PI4K2A: variants seen among roughly 807,000 people sequenced by gnomAD.
The protein encoded by PI4K2A is phosphatidylinositol 4-kinase type 2 alpha, also known as phosphatidylinositol 4-kinase type 2-alpha.
Under a neutral mutation model 55.0 loss-of-function variants are expected in PI4K2A, and 20 were observed. That is an observed-to-expected ratio of 0.36 (90% CI 0.26 to 0.53). PI4K2A has a LOEUF of 0.53. Ranked by LOEUF, PI4K2A falls within the 20% of genes least tolerant of loss-of-function variation. The pLI, the probability that PI4K2A is intolerant of heterozygous loss-of-function variation, is 0.91. For synonymous variants in PI4K2A, 235 were observed against 258.5 expected, an observed-to-expected ratio of 0.91 and a Z score of 0.87; for missense variants, 463 against 637.1, an observed-to-expected ratio of 0.73 and a Z score of 2.94.
intron 1 of PI4K2A, among the ~76,000 whole-genome samples, chr10:97,642,311 A>C (rs1190420613): frequency 6.6e-6 from 1 of 151,706 alleles, no homozygotes; most frequent in Non-Finnish European, 1.5e-5. Context: ...TTAGAGAACA[A>C]TTCTGCCATG....
chr10:97,668,746 A>G (rs1395754629), intron 8 of PI4K2A, among the ~76,000 whole-genome samples: 1 of 152,186 alleles, frequency 6.6e-6, no homozygotes, highest in East Asian at 1.9e-4. Flanking sequence ...TTAAAGGGCA[A>G]GAGGATCTTC....
chr10:97,640,719 G>T, exon 1 of PI4K2A: 1 of 1,452,482 alleles, frequency 6.9e-7, no homozygotes, highest in Non-Finnish European at 9.1e-7. Flanking sequence ...AGCGCGCCGG[G>T]TCCCGGAGCC....
At position 97,645,263 on chromosome 10, in the gene PI4K2A, C is replaced by A. The variant is rs962816219; in HGVS notation, c.435+4086C>A. ...CTCAATCAGATTTTTAAAAACATTC[C>A]TACTAACTGCTTAATTAGGGTTCTT... On this transcript the variant is annotated intron_variant, in intron 1 of 8. Transcript: ENST00000370631. 4.6e-5 allele frequency among the ~76,000 whole-genome samples: 7 copies of A among 152,180 alleles called. No homozygotes were observed. The East Asian group carries it at 1.4e-3, about 29-fold the overall frequency.
chr10:97,643,304 A>T (rs866079583), intron 1 of PI4K2A, among the ~76,000 whole-genome samples: 20 of 152,148 alleles, frequency 1.3e-4, no homozygotes, highest in Admixed American at 8.5e-4. Flanking sequence ...TTGTGGGCAG[A>T]GGGTATTTTT....
chr10:97,656,744 G>C lies in PI4K2A; in HGVS notation c.769-77G>C. On this transcript the variant is annotated intron_variant, in intron 3 of 8. Transcript: ENST00000370631. The surrounding 1 kb of genome is among the most constrained non-coding windows in gnomAD (Gnocchi z 4.5). ...ATACAAACTCCATAGGGCCTTAATG[G>C]GTATCTGGCATATACTCCAAAGGTC... 1 of 1,322,078 alleles carries C rather than the reference G, an allele frequency of 7.6e-7. No homozygotes were observed. Among genetic ancestry groups the C allele is most frequent in the Non-Finnish European group, 1.1e-6 (1 of 927,604 alleles). 81.9% of individuals were successfully genotyped at this position (1,322,078 alleles called of 1,614,324 possible). A position where few individuals can be genotyped will look rare whatever the true frequency, so the allele number is the denominator to read the frequency against.
At chr10:97,660,147 G>A (rs2041574102) in intron 4 of PI4K2A, among the ~76,000 whole-genome samples, 1 of 150,802 alleles carries the variant, frequency 6.6e-6, no homozygotes, top group Admixed American at 6.6e-5. Flanking sequence ...GACTACAGGC[G>A]CCTGCTACCA....
intron 1 of PI4K2A, among the ~76,000 whole-genome samples, chr10:97,649,784 C>T (rs762785717): frequency 2.2e-4 from 34 of 151,600 alleles, no homozygotes; most frequent in Non-Finnish European, 4.3e-4. Context: ...CCACCATGCC[C>T]AGCTAATTTT....
intron 1 of PI4K2A, among the ~76,000 whole-genome samples, chr10:97,644,144 A>C (rs1156682638): frequency 6.6e-6 from 1 of 152,204 alleles, no homozygotes; most frequent in Non-Finnish European, 1.5e-5. Context: ...GGAGGTCAGG[A>C]GTTCGAGACC....
chr10:97,670,500 T>A (rs953952459), intron 8 of PI4K2A, among the ~76,000 whole-genome samples: 1 of 152,226 alleles, frequency 6.6e-6, no homozygotes, highest in Non-Finnish European at 1.5e-5. Flanking sequence ...ATATTCTTTT[T>A]TGCCAAATCT....
intron 1 of PI4K2A, among the ~76,000 whole-genome samples, chr10:97,643,313 T>G (rs1448906530): frequency 1.3e-5 from 2 of 152,102 alleles, no homozygotes; most frequent in African/African-American, 4.8e-5. Context: ...GAGGGTATTT[T>G]TAGTTTGTTG....
chr10:97,659,926 CA>C (rs906017425), intron 4 of PI4K2A, among the ~76,000 whole-genome samples: 1 of 152,032 alleles, frequency 6.6e-6, no homozygotes, highest in African/African-American at 2.4e-5. Context: ...ACCATCTTCC[CA>C]GAATCCTCTC....
intron 8 of PI4K2A, among the ~76,000 whole-genome samples, chr10:97,670,280 CT>C (rs1564777489): frequency 6.6e-6 from 1 of 152,256 alleles, no homozygotes; most frequent in South Asian, 2.1e-4. Context: ...AATAATTTTT[CT>C]TTTTAAATTC....
intron 4 of PI4K2A, 122 bp from the exon 5 acceptor site, chr10:97,662,785 C>A (rs1420676147): frequency 1.1e-5 from 8 of 710,980 alleles, no homozygotes; most frequent in South Asian, 1.1e-4. Context: ...AATATTTTAT[C>A]CAGCATTTGT....
At chr10:97,674,060 T>C (rs1589940362) in exon 9 of PI4K2A, 1 of 281,014 alleles carries the variant, frequency 3.6e-6, no homozygotes, top group East Asian at 6.6e-5. Context: ...CCCTGCTCTA[T>C]TGCAATTCCC....
Position 97,656,939 on chromosome 10 carries a change from G to T in PI4K2A, c.887G>T (p.Arg296Leu). Reference sequence around the variant, plus strand: ...CGGCAACTACTGCTCCAGTTTGAGCGGTTGGTGGTGCTGGATTACATCATC... The same window carrying T: ...CGGCAACTACTGCTCCAGTTTGAGCTGTTGGTGGTGCTGGATTACATCATC... Residue 296 changes from arginine to leucine, a missense_variant, in exon 4 of 9, where the codon CGG becomes CTG. By Grantham distance (102) the Arg-to-Leu change is moderately radical. This residue lies in a region of PI4K2A where 277 missense variants were observed against 432.6 expected (regional missense o/e 0.64). Coordinates refer to ENST00000370631, the Ensembl canonical transcript of PI4K2A. This position sits in a 1 kb window ranked among gnomAD's most constrained non-coding sequence, Gnocchi z 4.5. The T allele has an allele frequency of 6.2e-7, 1 of 1,614,148 alleles. No homozygotes were observed. Among genetic ancestry groups the T allele is most frequent in the Non-Finnish European group, 8.5e-7 (1 of 1,180,024 alleles).
intron 1 of PI4K2A, among the ~76,000 whole-genome samples, chr10:97,650,005 G>A (rs1180928976): frequency 1.3e-5 from 2 of 152,070 alleles, no homozygotes; most frequent in African/African-American, 4.8e-5. Context: ...TGTGCATAAT[G>A]TAACTTCGGA....
intron 8 of PI4K2A, among the ~76,000 whole-genome samples, chr10:97,667,660 T>C (rs1190024396): frequency 6.6e-6 from 1 of 152,208 alleles, no homozygotes; most frequent in Non-Finnish European, 1.5e-5. Flanking sequence ...ATCTCTATGC[T>C]AGTTGCTAGG....
At chr10:97,642,981 T>A (rs1421200602) in intron 1 of PI4K2A, among the ~76,000 whole-genome samples, 1 of 150,718 alleles carries the variant, frequency 6.6e-6, no homozygotes, top group Non-Finnish European at 1.5e-5. Context: ...TTTCATTCAT[T>A]CTCTCTTTCT....
exon 9 of PI4K2A, chr10:97,675,473 G>A (rs1187093026): frequency 6.5e-6 from 1 of 152,726 alleles, no homozygotes; most frequent in Non-Finnish European, 1.5e-5. Context: ...CTCGGACACT[G>A]GCCTTGGGAA....
Sources: allele counts gnomAD v4.1 joint callset (sites outside exome capture counted in the v4.1 genomes callset), GRCh38; gene constraint gnomAD v4.1.1; regional missense constraint gnomAD v4.1.1; non-coding constraint Gnocchi (gnomAD v3.1); transcripts MANE v1.5; gene names NCBI Gene and HGNC (gene_info 2026-07-23, HGNC 2026-07-21).